The following CCDC73 variants were observed in gnomAD, a reference collection of about 807,000 sequenced individuals.
The protein encoded by CCDC73 is coiled-coil domain-containing protein 73.
CCDC73 carries 95 observed loss-of-function variants against 116.5 expected under a neutral mutation model. The ratio of observed to expected loss-of-function variants is 0.82; its 90% CI spans 0.69 to 0.97. The LOEUF is 0.97. CCDC73 is among the 50% of genes least tolerant of loss of function. The pLI is 0.00. For synonymous variants in CCDC73, 398 were observed against 401.3 expected, an observed-to-expected ratio of 0.99 and a Z score of 0.10; for missense variants, 1,066 against 1,206.8, an observed-to-expected ratio of 0.88 and a Z score of 1.73.
At chr11:32,640,798 G>A (rs1014286436) in intron 13 of CCDC73, among the ~76,000 whole-genome samples, 6 of 152,156 alleles carry the variant, frequency 3.9e-5, no homozygotes, top group East Asian at 1.9e-4. Flanking sequence ...CAGGCGGATC[G>A]CAAGGTCAGA....
At chr11:32,672,907 A>T (rs1856052445) in intron 9 of CCDC73, among the ~76,000 whole-genome samples, 1 of 152,214 alleles carries the variant, frequency 6.6e-6, no homozygotes, top group Admixed American at 6.5e-5. Flanking sequence ...CTCAGGTATA[A>T]GAATGAAGTC....
At chr11:32,639,569 C>T (rs982778934) in intron 13 of CCDC73, among the ~76,000 whole-genome samples, 3 of 152,076 alleles carry the variant, frequency 2.0e-5, no homozygotes, top group Non-Finnish European at 2.9e-5. Context: ...CTGCCTCAGC[C>T]TCCCAAGCAG....
At chr11:32,656,393 A>G (rs545316480) in intron 9 of CCDC73, among the ~76,000 whole-genome samples, 1 of 152,220 alleles carries the variant, frequency 6.6e-6, no homozygotes, top group South Asian at 2.1e-4. Context: ...TTTCTACATT[A>G]TAAGAGCCGG....
intron 1 of CCDC73, among the ~76,000 whole-genome samples, chr11:32,775,491 A>G (rs1850526229): frequency 6.6e-6 from 1 of 152,114 alleles, no homozygotes; most frequent in Non-Finnish European, 1.5e-5. Flanking sequence ...TTATGTGTTA[A>G]TTTTATTTAT....
the CCDC73 span, among the ~76,000 whole-genome samples, chr11:32,825,640 A>T: frequency 6.6e-6 from 1 of 152,184 alleles, no homozygotes. Flanking sequence ...CGTCAATTGC[A>T]TAGCTAGAAA....
chr11:32,758,337 C>A (rs1405224077), intron 2 of CCDC73: 3 of 504,872 alleles, frequency 5.9e-6, no homozygotes, highest in Admixed American at 2.0e-5. Flanking sequence ...TAGGCTGTCC[C>A]AAACCCCTGG....
intron 1 of CCDC73, among the ~76,000 whole-genome samples, chr11:32,794,059 T>C (rs1418782292): frequency 2.0e-5 from 3 of 152,162 alleles, no homozygotes; most frequent in Non-Finnish European, 2.9e-5. Flanking sequence ...GAAATGTCCC[T>C]GGGAATTTAC....
At chr11:32,689,240 A>C (rs902088116) in intron 6 of CCDC73, among the ~76,000 whole-genome samples, 4 of 152,172 alleles carry the variant, frequency 2.6e-5, no homozygotes, top group Non-Finnish European at 5.9e-5. Flanking sequence ...TGGTATGTAC[A>C]TCCTAGATGA....
At chr11:32,766,758 T>A (rs1330386836) in intron 1 of CCDC73, among the ~76,000 whole-genome samples, 1 of 151,948 alleles carries the variant, frequency 6.6e-6, no homozygotes, top group African/African-American at 2.4e-5. Context: ...GAATCCAACT[T>A]ACAAGGGACA....
At chr11:32,684,622 C>T (rs866874645) in intron 6 of CCDC73, among the ~76,000 whole-genome samples, 1 of 152,036 alleles carries the variant, frequency 6.6e-6, no homozygotes, top group African/African-American at 2.4e-5. Context: ...TGTATCTAGA[C>T]TTTTAAAGTT....
At position 32,604,990 on chromosome 11, in the gene CCDC73, T is replaced by A. The variant is rs1417333236; in HGVS notation, c.3031-1970A>T. On this transcript the variant is annotated intron_variant, in intron 17 of 17. Transcript: ENST00000335185. Reference sequence around the variant, plus strand: ...GCCTCAGCCTCCCGAGTAGCTGGGATTACAGGCACCCACCACGATGCCCAG... The same window carrying A: ...GCCTCAGCCTCCCGAGTAGCTGGGAATACAGGCACCCACCACGATGCCCAG... 5 of 152,154 alleles carry A rather than the reference T, an allele frequency of 3.3e-5. No individual in the cohort carries two copies. In the East Asian group the frequency reaches 9.7e-4, roughly 29 times the overall value. The allele number at this position is 152,154 out of a possible 1,614,324, so 9.4% of individuals were successfully genotyped here. A position where few individuals can be genotyped will look rare whatever the true frequency, so the allele number is the denominator to read the frequency against.
At chr11:32,718,831 G>A (rs1849967253) in intron 2 of CCDC73, among the ~76,000 whole-genome samples, 1 of 152,124 alleles carries the variant, frequency 6.6e-6, no homozygotes, top group South Asian at 2.1e-4. Flanking sequence ...GGAGAACAAG[G>A]CAACAACAGT....
intron 7 of CCDC73, chr11:32,683,195 T>C: frequency 6.7e-6 from 2 of 297,920 alleles, no homozygotes; most frequent in Non-Finnish European, 1.3e-5. Flanking sequence ...GCATCTCAAA[T>C]GCAAAAATCT....
chr11:32,725,972 A>G (rs1307819180), intron 2 of CCDC73, among the ~76,000 whole-genome samples: 1 of 152,220 alleles, frequency 6.6e-6, no homozygotes, highest in South Asian at 2.1e-4. Context: ...CTACACTTTT[A>G]GAGTACAAAG....
chr11:32,640,197 T>C (rs1590562284), intron 13 of CCDC73, among the ~76,000 whole-genome samples: 1 of 152,220 alleles, frequency 6.6e-6, no homozygotes, highest in Non-Finnish European at 1.5e-5. Flanking sequence ...CTATATTCTG[T>C]TGAGTACCAA....
intron 9 of CCDC73, among the ~76,000 whole-genome samples, chr11:32,669,349 G>A (rs1053037904): frequency 6.6e-6 from 1 of 151,948 alleles, no homozygotes; most frequent in African/African-American, 2.4e-5. Context: ...GGGTACATAG[G>A]TGTATATATT....
At chr11:32,772,922 C>T (rs1044185532) in intron 1 of CCDC73, among the ~76,000 whole-genome samples, 1 of 152,114 alleles carries the variant, frequency 6.6e-6, no homozygotes, top group Admixed American at 6.5e-5. Flanking sequence ...ATAAAGTTAC[C>T]ATATGACTCA....
At chr11:32,688,431 A>C (rs1856225010) in intron 6 of CCDC73, among the ~76,000 whole-genome samples, 1 of 152,208 alleles carries the variant, frequency 6.6e-6, no homozygotes, top group Non-Finnish European at 1.5e-5. Context: ...AGACTGAAAG[A>C]GATTAAAGAG....
intron 9 of CCDC73, among the ~76,000 whole-genome samples, chr11:32,661,087 T>A (rs912008945): frequency 6.6e-6 from 1 of 151,856 alleles, no homozygotes; most frequent in African/African-American, 2.4e-5. Flanking sequence ...TAGAAAAGGA[T>A]CCTCTGGTTG....
Sources: gnomAD v4.1 joint callset for allele counts (sites outside exome capture counted in the v4.1 genomes callset) on GRCh38, gnomAD v4.1.1 for gene constraint, MANE v1.5 for transcripts, NCBI Gene and HGNC (gene_info 2026-07-23, HGNC 2026-07-21) for gene names.